The following SMCHD1 variants were observed in gnomAD, a reference collection of about 807,000 sequenced individuals.
SMCHD1 encodes the protein structural maintenance of chromosomes flexible hinge domain-containing protein 1.
In SMCHD1, 78 loss-of-function variants were observed where a neutral mutation model predicts 254.7. The ratio of observed to expected loss-of-function variants is 0.31; its 90% confidence interval spans 0.26 to 0.37. The LOEUF (loss-of-function observed/expected upper bound fraction) is 0.37. Ranked by LOEUF, SMCHD1 falls within the 10% of genes least tolerant of loss-of-function variation. The probability of loss-of-function intolerance (pLI) is 1.00; values close to 1 mark genes in which losing one functional copy is unlikely to be tolerated. For synonymous variants in SMCHD1, 766 were observed against 794.9 expected (o/e 0.96, Z 0.61); for missense variants, 1,840 against 2,408.1 (o/e 0.76, Z 4.94).
chr18:2,657,950 GT>G (rs879488698), intron 1 of SMCHD1, among the ~76,000 whole-genome samples: 67 of 141,924 alleles, frequency 4.7e-4, no homozygotes, highest in East Asian at 8.2e-4. Context: ...GCCCAGCTAT[GT>G]TTTTTTTTTT....
chr18:2,775,613 G>A, intron 41 of SMCHD1, 121 bp from the exon 42 acceptor site: 1 of 676,198 alleles, frequency 1.5e-6, no homozygotes, highest in Non-Finnish European at 2.3e-6. Flanking sequence ...CAACTTGACA[G>A]TTTATTTTTA....
intron 23 of SMCHD1, 144 bp from the exon 24 acceptor site, chr18:2,729,131 A>G (rs1389298092): frequency 9.0e-6 from 5 of 553,582 alleles, no homozygotes; most frequent in Non-Finnish European, 1.4e-5. Flanking sequence ...TCAGTATTCT[A>G]GAGTTTTAGT....
intron 5 of SMCHD1, among the ~76,000 whole-genome samples, chr18:2,687,647 C>T (rs2074082437): frequency 6.6e-6 from 1 of 152,168 alleles, no homozygotes; most frequent in Non-Finnish European, 1.5e-5. Context: ...TGTCCCTTCT[C>T]TTTCTAGAGC....
chr18:2,716,962 C>T (rs1395338468), intron 17 of SMCHD1, among the ~76,000 whole-genome samples: 1 of 152,216 alleles, frequency 6.6e-6, no homozygotes, highest in East Asian at 1.9e-4. Context: ...ATTCTCATAC[C>T]CATGGCTGGG....
chr18:2,674,008 T>C lies in SMCHD1; in HGVS notation c.508-7T>C. 1 of 1,571,596 alleles carries C rather than the reference T, an allele frequency of 6.4e-7. No homozygotes were observed. The highest frequency in any genetic ancestry group is 1.4e-5 in the African/African-American group (1 of 73,910). On this transcript the variant is annotated splice_polypyrimidine_tract_variant and splice_region_variant and intron_variant, in intron 4 of 47. Coordinates refer to ENST00000320876, the MANE Select transcript of SMCHD1 (RefSeq NM_015295.3). ...TCCTGTCTTTTTGAACTTATTTTGT[T>C]TCATAGCTTTTTGATGAAACACAAG...
chr18:2,775,541 A>G (rs1200005575), intron 41 of SMCHD1, among the ~76,000 whole-genome samples, 193 bp from the exon 42 acceptor site: 2 of 152,186 alleles, frequency 1.3e-5, no homozygotes. Context: ...TAATCTTTAG[A>G]AAAAGAAATT....
At chr18:2,735,406 C>A (rs369059909) in intron 25 of SMCHD1, among the ~76,000 whole-genome samples, 4 of 152,244 alleles carry the variant, frequency 2.6e-5, no homozygotes, top group African/African-American at 7.2e-5. Flanking sequence ...CTCACCAATT[C>A]TATTCAACTA....
Position 2,780,256 on chromosome 18 carries a change from AAAAAAAAAAAG to A in SMCHD1, c.5547+2018_5547+2028del, listed in dbSNP as rs1388340464. On this transcript the variant is annotated intron_variant, in intron 44 of 47. Coordinates refer to ENST00000320876, the MANE Select transcript of SMCHD1 (RefSeq NM_015295.3). ...CTCTATCTAAAAAAAAAAAAAAAAA[AAAAAAAAAAAG>A]GCAATAATAAATTCATCTTAGTTTA... Among the ~76,000 whole-genome samples, 17 of 151,124 alleles carry A rather than the reference AAAAAAAAAAAG, an allele frequency of 1.1e-4. No homozygotes were observed. The East Asian group carries it at 1.6e-3, about 14-fold the overall frequency.
rs2076402825 is a variant in SMCHD1, at chr18:2,803,691, T to TATC, written c.*1140_*1142dup. Reference sequence around the variant, plus strand: ...TTAAAAAACGATGATGATGTTAACCTATCTATCTTTATAATTGGAAATTAT... The same window carrying TATC: ...TTAAAAAACGATGATGATGTTAACCTATCATCTATCTTTATAATTGGAAATTAT... On this transcript the variant is annotated 3_prime_UTR_variant, in exon 48 of 48. Coordinates refer to ENST00000320876, the MANE Select transcript of SMCHD1 (RefSeq NM_015295.3). The TATC allele has an allele frequency of 1.9e-3, 1 of 522 alleles. No individual in the cohort carries two copies. Among genetic ancestry groups the TATC allele is most frequent in the African/African-American group, 5.1e-3 (1 of 196 alleles). The allele number at this position is 522 out of a possible 1,614,324, so 0.0% of individuals were successfully genotyped here. A position where few individuals can be genotyped will look rare whatever the true frequency, so the allele number is the denominator to read the frequency against.
Position 2,718,882 on chromosome 18 carries a change from C to G in SMCHD1, c.2458+448C>G, listed in dbSNP as rs771519122. Among the ~76,000 whole-genome samples the G allele has an allele frequency of 6.6e-5, 10 of 152,092 alleles. No individual in the cohort carries two copies. The South Asian group carries it at 1.5e-3, about 22-fold the overall frequency. Reference sequence around the variant, plus strand: ...TTGATTTTCAAATAGCTTTGTAAGTCTACTCGATAATCATATTCCTTCTGA... The same window carrying G: ...TTGATTTTCAAATAGCTTTGTAAGTGTACTCGATAATCATATTCCTTCTGA... On this transcript the variant is annotated intron_variant, in intron 19 of 47. Coordinates refer to ENST00000320876, the MANE Select transcript of SMCHD1 (RefSeq NM_015295.3). The surrounding 1 kb of genome is among the most constrained non-coding windows in gnomAD (Gnocchi z 4.6).
chr18:2,685,199 A>G (rs1447296207), intron 5 of SMCHD1, among the ~76,000 whole-genome samples: 1 of 138,474 alleles, frequency 7.2e-6, no homozygotes, highest in Non-Finnish European at 1.5e-5. Flanking sequence ...TCCCGGGTTC[A>G]CGCCATTCTC....
At position 2,697,982 on chromosome 18, in the gene SMCHD1, G is replaced by T; in HGVS notation, c.1283G>T (p.Arg428Leu). The change falls in exon 10 of 48, where the codon CGT becomes CTT. Residue 428 changes from arginine (R) to leucine (L), a missense_variant. Arg to Leu is a moderately radical substitution (Grantham distance 102, BLOSUM62 -2). Coordinates refer to ENST00000320876, the MANE Select transcript of SMCHD1 (RefSeq NM_015295.3). ...GATGGTGTAGTGGAAGGGATTATCCGTTATCATCCATTCTTATATGATAGA... is the reference window on the plus strand; with the variant it reads ...GATGGTGTAGTGGAAGGGATTATCCTTTATCATCCATTCTTATATGATAGA... ...EGDGVVEGII[R>L]YHPFLYDRET... 6.2e-7 allele frequency: 1 copy of T among 1,613,560 alleles called. No individual in the cohort carries two copies. The highest frequency in any genetic ancestry group is 8.5e-7 in the Non-Finnish European group (1 of 1,179,646).
intron 41 of SMCHD1, among the ~76,000 whole-genome samples, chr18:2,773,811 T>C (rs1189704000): frequency 6.6e-6 from 1 of 152,082 alleles, no homozygotes; most frequent in Non-Finnish European, 1.5e-5. Flanking sequence ...TAATCACAGC[T>C]ACTCAGGAGG....
intron 35 of SMCHD1, among the ~76,000 whole-genome samples, chr18:2,761,449 AT>A (rs1288269087): frequency 6.6e-6 from 1 of 152,234 alleles, no homozygotes; most frequent in Non-Finnish European, 1.5e-5. Flanking sequence ...GAAATTAAAA[AT>A]AAATAGTATT....
rs2075728076 is a variant in SMCHD1 at position 2,758,747 on chromosome 18, T to TA, written c.4347-1905_4347-1904insA. On this transcript the variant is annotated intron_variant, in intron 34 of 47. Coordinates refer to ENST00000320876, the MANE Select transcript of SMCHD1 (RefSeq NM_015295.3). ...TTCTGTTGTCAGTCTCATTATTGTT[T>TA]TAAAAAAATGTATTTTCCCTCCTTT... is the stretch of plus-strand genomic sequence containing the variant. Among the ~76,000 whole-genome samples the TA allele has an allele frequency of 7.9e-5, 12 of 152,308 alleles. No individual in the cohort carries two copies. The South Asian group carries it at 2.5e-3, about 32-fold the overall frequency.
At chr18:2,692,710 T>C (rs2074206466) in intron 7 of SMCHD1, among the ~76,000 whole-genome samples, 1 of 152,330 alleles carries the variant, frequency 6.6e-6, no homozygotes, top group South Asian at 2.1e-4. Flanking sequence ...TATTCAGTCA[T>C]CTGCTGGGTG....
chr18:2,687,232 A>G (rs2074072796), intron 5 of SMCHD1, among the ~76,000 whole-genome samples: 1 of 152,210 alleles, frequency 6.6e-6, no homozygotes, highest in Admixed American at 6.5e-5. Context: ...TAGTCCTTAA[A>G]AAAATTACTT....
At chr18:2,741,592 A>T (rs1200214592) in intron 28 of SMCHD1, among the ~76,000 whole-genome samples, 4 of 152,096 alleles carry the variant, frequency 2.6e-5, no homozygotes. Flanking sequence ...GTCGAGCATC[A>T]TTTTCACTGC....
intron 34 of SMCHD1, among the ~76,000 whole-genome samples, chr18:2,753,918 T>A (rs2075622963): frequency 6.6e-6 from 1 of 152,088 alleles, no homozygotes; most frequent in Non-Finnish European, 1.5e-5. Flanking sequence ...TGTAATAGAG[T>A]GGCATCACAC....
Sources: gnomAD v4.1 joint callset for allele counts (sites outside exome capture counted in the v4.1 genomes callset) on GRCh38, gnomAD v4.1.1 for gene constraint, Gnocchi (gnomAD v3.1) non-coding constraint, MANE v1.5 for transcripts, NCBI Gene and HGNC (gene_info 2026-07-23, HGNC 2026-07-21) for gene names.